CACNA2D2: variants seen among roughly 807,000 people sequenced by gnomAD.
CACNA2D2 encodes voltage-dependent calcium channel subunit alpha-2/delta-2.
In CACNA2D2, 48 loss-of-function variants were observed where a neutral mutation model predicts 166.4. That is an observed-to-expected ratio of 0.29 (90% confidence interval 0.23 to 0.37). CACNA2D2 has a LOEUF of 0.37. Ranked by LOEUF, CACNA2D2 falls within the 10% of genes least tolerant of loss-of-function variation. The pLI, the probability that CACNA2D2 is intolerant of heterozygous loss-of-function variation, is 1.00. For synonymous variants in CACNA2D2, 561 were observed against 573.7 expected (o/e 0.98, Z 0.32); for missense variants, 1,122 against 1,433.0 (o/e 0.78, Z 3.50).
intron 3 of CACNA2D2, among the ~76,000 whole-genome samples, chr3:50,395,302 C>A (rs1706096979): frequency 6.6e-6 from 1 of 152,164 alleles, no homozygotes. Context: ...ACAGAGACGG[C>A]CAGCAGCCTG....
At chr3:50,470,063 C>T (rs552057577) in intron 2 of CACNA2D2, among the ~76,000 whole-genome samples, 1 of 152,324 alleles carries the variant, frequency 6.6e-6, no homozygotes. Context: ...ACCTGGGGGG[C>T]AACTCCGTGC....
At chr3:50,494,994 G>C (rs1477323254) in intron 1 of CACNA2D2, among the ~76,000 whole-genome samples, 1 of 152,188 alleles carries the variant, frequency 6.6e-6, no homozygotes, top group African/African-American at 2.4e-5. Flanking sequence ...TTATTTAAGA[G>C]AAACAGCTGT....
intron 13 of CACNA2D2, among the ~76,000 whole-genome samples, chr3:50,378,640 T>A (rs1350840856): frequency 1.3e-5 from 2 of 152,122 alleles, no homozygotes; most frequent in Non-Finnish European, 2.9e-5. Context: ...CAGGCCCAAG[T>A]GCACAGAGAG....
intron 1 of CACNA2D2, among the ~76,000 whole-genome samples, chr3:50,488,691 G>GT (rs942446229): frequency 9.3e-4 from 136 of 145,578 alleles, no homozygotes; most frequent in South Asian, 3.3e-3. Context: ...TTTTCCTGGT[G>GT]TTTTTTTTTT....
intron 3 of CACNA2D2, among the ~76,000 whole-genome samples, chr3:50,411,984 C>T (rs1489723438): frequency 6.6e-6 from 1 of 152,226 alleles, no homozygotes; most frequent in Non-Finnish European, 1.5e-5. Flanking sequence ...CAAACACCTT[C>T]CCATGGCAAG....
intron 22 of CACNA2D2, among the ~76,000 whole-genome samples, chr3:50,373,699 G>A (rs1355209140): frequency 1.4e-5 from 2 of 139,738 alleles, no homozygotes; most frequent in Non-Finnish European, 3.1e-5. Context: ...GGAGAAAGAG[G>A]GAGATAGAGG....
chr3:50,498,626 G>A (rs1267494164), intron 1 of CACNA2D2, among the ~76,000 whole-genome samples: 2 of 152,200 alleles, frequency 1.3e-5, no homozygotes, highest in Admixed American at 6.5e-5. Context: ...GGTCAGCACT[G>A]GGGCTATAAG....
chr3:50,484,490 G>C (rs541511917), intron 1 of CACNA2D2, among the ~76,000 whole-genome samples: 4 of 152,062 alleles, frequency 2.6e-5, no homozygotes, highest in Non-Finnish European at 4.4e-5. Flanking sequence ...CTCACCCCTC[G>C]GTGTGGCCTG....
At chr3:50,423,021 G>T (rs991959377) in intron 3 of CACNA2D2, among the ~76,000 whole-genome samples, 6 of 152,182 alleles carry the variant, frequency 3.9e-5, no homozygotes, top group African/African-American at 1.4e-4. Context: ...TCCCCTTTCT[G>T]GTCCCCTGTT....
At chr3:50,415,004 T>TG (rs771818235) in intron 3 of CACNA2D2, among the ~76,000 whole-genome samples, 42 of 152,318 alleles carry the variant, frequency 2.8e-4, no homozygotes, top group Admixed American at 1.2e-3. Context: ...AAGCCAGCCA[T>TG]GGGCCCGTCT....
chr3:50,438,464 A>AC, intron 2 of CACNA2D2, among the ~76,000 whole-genome samples: 1 of 152,094 alleles, frequency 6.6e-6, no homozygotes, highest in African/African-American at 2.4e-5. Context: ...GAAGCCCCGA[A>AC]CCCTCTGCCC....
chr3:50,397,133 G>C (rs1706201170), intron 3 of CACNA2D2, among the ~76,000 whole-genome samples: 1 of 152,226 alleles, frequency 6.6e-6, no homozygotes, highest in South Asian at 2.1e-4. Context: ...GGAGACCCAG[G>C]GAGGGAGGCC....
intron 2 of CACNA2D2, among the ~76,000 whole-genome samples, chr3:50,461,419 TGTAC>T (rs988043598): frequency 6.6e-5 from 10 of 152,156 alleles, no homozygotes; most frequent in African/African-American, 2.4e-4. Flanking sequence ...CTGGCTCCCC[TGTAC>T]CTGTCCTCAG....
intron 3 of CACNA2D2, among the ~76,000 whole-genome samples, chr3:50,418,569 T>G (rs1707379543): frequency 6.6e-6 from 1 of 152,182 alleles, no homozygotes; most frequent in African/African-American, 2.4e-5. Flanking sequence ...TCAGGGTCTG[T>G]GAAGCAGGGC....
At chr3:50,457,518 G>A (rs1374466076) in intron 2 of CACNA2D2, among the ~76,000 whole-genome samples, 3 of 152,158 alleles carry the variant, frequency 2.0e-5, no homozygotes, top group Non-Finnish European at 4.4e-5. Flanking sequence ...CGCAGCTCCT[G>A]GAAACCTCTG....
At chr3:50,490,486 C>T (rs1261194678) in intron 1 of CACNA2D2, among the ~76,000 whole-genome samples, 1 of 152,112 alleles carries the variant, frequency 6.6e-6, no homozygotes, top group Non-Finnish European at 1.5e-5. Flanking sequence ...CTCTGGACAC[C>T]CCCTTTACTT....
intron 1 of CACNA2D2, among the ~76,000 whole-genome samples, chr3:50,482,335 G>C (rs956957815): frequency 6.6e-6 from 1 of 152,224 alleles, no homozygotes; most frequent in Non-Finnish European, 1.5e-5. Flanking sequence ...GACCACTCGG[G>C]TGGATGTCCC....
At chr3:50,486,048 C>T (rs1183752664) in intron 1 of CACNA2D2, among the ~76,000 whole-genome samples, 5 of 150,874 alleles carry the variant, frequency 3.3e-5, no homozygotes, top group African/African-American at 4.9e-5. Flanking sequence ...TAGTCAGGCA[C>T]GATGGGAACA....
At chr3:50,476,694 C>T (rs1188093175) in intron 1 of CACNA2D2, among the ~76,000 whole-genome samples, 1 of 152,132 alleles carries the variant, frequency 6.6e-6, no homozygotes, top group Non-Finnish European at 1.5e-5. Context: ...AGGTCCCTGC[C>T]CCTCTAGGTC....
Sources: allele counts gnomAD v4.1 joint callset (sites outside exome capture counted in the v4.1 genomes callset), GRCh38; gene constraint gnomAD v4.1.1; transcripts MANE v1.5; gene names NCBI Gene and HGNC (gene_info 2026-07-23, HGNC 2026-07-21).